The following SEM1 variants were observed in gnomAD, a reference collection of about 807,000 sequenced individuals.
SEM1 encodes the protein SEM1 26S proteasome subunit.
SEM1 carries 3 observed loss-of-function variants against 12.7 expected under a neutral mutation model. The observed-to-expected ratio is 0.24, with a 90% confidence interval of 0.11 to 0.61. SEM1 has a LOEUF of 0.61. Among genes scored for constraint, SEM1 ranks in the 20% least tolerant of loss-of-function variants. The pLI is 0.88. For missense variants in SEM1, 59 were observed against 81.3 expected, an observed-to-expected ratio of 0.73 and a Z score of 1.06; for synonymous variants, 30 against 27.8, an observed-to-expected ratio of 1.08 and a Z score of -0.25.
Position 96,645,525 on chromosome 7 carries a change from T to G in SEM1, c.171-22882A>C, listed in dbSNP as rs1024077172. ...GGGGGCAGGATGGGAAGGAAGTATG[T>G]TCCAATAAAAGAGGACAGCTTATAT... On this transcript the variant is annotated intron_variant, in intron 2 of 2. Transcript: ENST00000417009. The G allele has an allele frequency of 2.2e-5, 8 of 370,820 alleles. No homozygotes were observed. The Admixed American group carries it at 3.2e-4, about 15-fold the overall frequency. The allele number at this position is 370,820 out of a possible 1,614,324, so 23.0% of individuals were successfully genotyped here.
downstream of SEM1, chr7:96,622,472 ATAG>A: frequency 1.7e-6 from 1 of 586,278 alleles, no homozygotes; most frequent in South Asian, 2.3e-5. Context: ...CAGTTTCTAA[ATAG>A]TAGTAGTATT....
At chr7:96,642,564 G>T in intron 2 of SEM1, among the ~76,000 whole-genome samples, 2 of 150,336 alleles carry the variant, frequency 1.3e-5, no homozygotes, top group African/African-American at 2.4e-5. Context: ...TTAGTCCTTT[G>T]CATCTTTGAG....
chr7:96,611,822 C>A (rs181644077), intron 2 of SEM1, among the ~76,000 whole-genome samples: 110 of 152,304 alleles, frequency 7.2e-4, no homozygotes, highest in African/African-American at 2.5e-3. Flanking sequence ...GCTGGCCCAA[C>A]TGTATTTTAA....
intron 2 of SEM1, among the ~76,000 whole-genome samples, chr7:96,630,256 C>T (rs1479755870): frequency 6.6e-6 from 1 of 152,188 alleles, no homozygotes; most frequent in Non-Finnish European, 1.5e-5. Flanking sequence ...CCAGAAGTGC[C>T]ATCTGGGAGC....
At chr7:96,482,949 C>G (rs908574190) in exon 4 of SEM1, 5 of 152,042 alleles carry the variant, frequency 3.3e-5, no homozygotes, top group Non-Finnish European at 7.4e-5. Context: ...GATGAATAGG[C>G]CATTGCAATG....
chr7:96,660,705 AT>A (rs1663786306), intron 2 of SEM1, among the ~76,000 whole-genome samples: 1 of 152,104 alleles, frequency 6.6e-6, no homozygotes, highest in African/African-American at 2.4e-5. Flanking sequence ...GAACAACACA[AT>A]TCATAAGCTC....
intron 2 of SEM1, among the ~76,000 whole-genome samples, chr7:96,522,045 T>A (rs1242901694): frequency 1.3e-5 from 2 of 152,106 alleles, no homozygotes; most frequent in African/African-American, 4.8e-5. Flanking sequence ...AAATAAAATT[T>A]TGTCTTTGTT....
chr7:96,673,872 C>T, intron 2 of SEM1: 2 of 764,700 alleles, frequency 2.6e-6, no homozygotes, highest in Non-Finnish European at 2.4e-6. Context: ...GGAAAACAGA[C>T]TTTGTGTAAG....
intron 2 of SEM1, among the ~76,000 whole-genome samples, chr7:96,594,846 T>C (rs1422227909): frequency 1.3e-5 from 2 of 152,112 alleles, no homozygotes; most frequent in Admixed American, 6.5e-5. Flanking sequence ...AAATGAGTGA[T>C]GAAATCAATA....
chr7:96,645,887 C>A, intron 2 of SEM1: 1 of 398,376 alleles, frequency 2.5e-6, no homozygotes, highest in South Asian at 1.3e-4. Context: ...GGCATCTTCT[C>A]AGTCTTGCAG....
intron 2 of SEM1, among the ~76,000 whole-genome samples, chr7:96,575,526 C>G (rs970633850): frequency 1.3e-5 from 2 of 152,230 alleles, no homozygotes; most frequent in African/African-American, 4.8e-5. Flanking sequence ...TGTTTATAGA[C>G]AGCAGGCAGG....
At chr7:96,595,318 G>A (rs1806962624) in intron 2 of SEM1, among the ~76,000 whole-genome samples, 3 of 152,046 alleles carry the variant, frequency 2.0e-5, no homozygotes, top group South Asian at 4.1e-4. Flanking sequence ...TTTGAGACCA[G>A]TGTGGGCAAC....
At chr7:96,528,383 G>T (rs1804537871) in intron 2 of SEM1, among the ~76,000 whole-genome samples, 1 of 152,038 alleles carries the variant, frequency 6.6e-6, no homozygotes, top group Non-Finnish European at 1.5e-5. Context: ...CTAGAGACTG[G>T]GTTTCACCAT....
At chr7:96,655,249 G>C (rs992123199) in intron 2 of SEM1, among the ~76,000 whole-genome samples, 2 of 152,174 alleles carry the variant, frequency 1.3e-5, no homozygotes, top group South Asian at 4.2e-4. Flanking sequence ...GAAGGAAGCA[G>C]AAGTTAGAGG....
intron 1 of SEM1, among the ~76,000 whole-genome samples, chr7:96,705,608 A>C (rs1790431522): frequency 6.6e-6 from 1 of 152,092 alleles, no homozygotes; most frequent in South Asian, 2.1e-4. Context: ...CGGGCGGATC[A>C]CCAGGTCAGG....
chr7:96,613,455 T>G (rs1432820024), intron 2 of SEM1, among the ~76,000 whole-genome samples: 2 of 152,200 alleles, frequency 1.3e-5, no homozygotes, highest in Non-Finnish European at 2.9e-5. Flanking sequence ...TATTTTTAAT[T>G]GACATATAAT....
At chr7:96,581,771 TTGTC>T (rs1806418995) in intron 2 of SEM1, among the ~76,000 whole-genome samples, 1 of 151,530 alleles carries the variant, frequency 6.6e-6, no homozygotes, top group African/African-American at 2.4e-5. Flanking sequence ...GGCTCTCTGT[TTGTC>T]TGTTGTTGGT....
Position 96,560,936 on chromosome 7 carries a change from C to T in SEM1, c.171-54238G>A, listed in dbSNP as rs142547150. On this transcript the variant is annotated intron_variant and NMD_transcript_variant, in intron 2 of 3. Coordinates refer to the SEM1 transcript ENST00000466986. ...TCTAGCTGCTGTTCCTAAGCCAGTA[C>T]GTGCTGTTTAATTTAATTTTAATTT... 2.4e-3 allele frequency among the ~76,000 whole-genome samples: 365 copies of T among 152,086 alleles called. 3 individuals are homozygous for T. The highest frequency in any genetic ancestry group is 8.5e-3 in the African/African-American group (353 of 41,480).
chr7:96,704,078 A>G (rs1790366768), intron 1 of SEM1, among the ~76,000 whole-genome samples: 1 of 152,124 alleles, frequency 6.6e-6, no homozygotes, highest in Non-Finnish European at 1.5e-5. Context: ...TAGACTATTT[A>G]AGATGAACAC....
Sources: allele counts gnomAD v4.1 joint callset (sites outside exome capture counted in the v4.1 genomes callset), GRCh38; gene constraint gnomAD v4.1.1; transcripts MANE v1.5; gene names NCBI Gene and HGNC (gene_info 2026-07-23, HGNC 2026-07-21).